TXNL4A: variants seen among roughly 807,000 people sequenced by gnomAD.
The protein encoded by TXNL4A is thioredoxin-like protein 4A.
TXNL4A carries 17 observed loss-of-function variants against 14.6 expected under a neutral mutation model. That is an observed-to-expected ratio of 1.16 (90% CI 0.80 to 1.74). The LOEUF (loss-of-function observed/expected upper bound fraction) is 1.74, where lower values mean the gene tolerates loss of function less well. TXNL4A is among the 40% of genes most tolerant of loss of function. The pLI, the probability that TXNL4A is intolerant of heterozygous loss-of-function variation, is 0.00. For missense variants in TXNL4A, 74 were observed against 195.2 expected, an observed-to-expected ratio of 0.38 and a Z score of 3.70; for synonymous variants, 83 against 70.6, an observed-to-expected ratio of 1.18 and a Z score of -0.88.
intron 1 of TXNL4A, among the ~76,000 whole-genome samples, chr18:79,994,206 A>G (rs1305936479): frequency 6.6e-6 from 1 of 152,228 alleles, no homozygotes. Context: ...AGTAGTTCTA[A>G]GTTACAATGG....
Position 80,007,317 on chromosome 18 carries a change from T to C in TXNL4A, c.-61+26534A>G, listed in dbSNP as rs184856005. Among the ~76,000 whole-genome samples, 1,288 of 152,302 alleles carry C rather than the reference T, an allele frequency of 8.5e-3. 17 individuals are homozygous for C. Among genetic ancestry groups the C allele is most frequent in the South Asian group, 0.028 (133 of 4,824 alleles). ...GTCCCTGAATGCACAATTTCTGTCC[T>C]TTTTAAGGGCTCACAACACTAAAGA... On this transcript the variant is annotated intron_variant, in intron 1 of 2. Transcript: ENST00000585474.
At chr18:80,012,830 A>G (rs987494138) in intron 1 of TXNL4A, among the ~76,000 whole-genome samples, 1 of 143,320 alleles carries the variant, frequency 7.0e-6, no homozygotes, top group African/African-American at 2.6e-5. Flanking sequence ...CTTCCATTAA[A>G]TTTTTTTTTT....
intron 1 of TXNL4A, among the ~76,000 whole-genome samples, chr18:80,015,257 A>G (rs2051799535): frequency 6.6e-6 from 1 of 152,190 alleles, no homozygotes; most frequent in Admixed American, 6.5e-5. Flanking sequence ...TCCTCAAAAA[A>G]AAAAATGGAC....
At chr18:80,022,348 G>C (rs1044021312) in intron 1 of TXNL4A, among the ~76,000 whole-genome samples, 1 of 152,202 alleles carries the variant, frequency 6.6e-6, no homozygotes, top group African/African-American at 2.4e-5. Flanking sequence ...TTGCAGGCTT[G>C]CCTGACGTGG....
chr18:79,977,367 G>A (rs907088611), intron 2 of TXNL4A: 3 of 526,842 alleles, frequency 5.7e-6, no homozygotes, highest in Non-Finnish European at 9.9e-6. Context: ...AGGTTTCCCC[G>A]CAAAGTTATT....
chr18:79,970,821 A>G lies in TXNL4A; in HGVS notation c.*2864T>C, dbSNP rs1285091320. ...CAATAAACTTACAAATGTGGAATGT[A>G]ATTATTTTATCTTTTTCTGGTAACG... On this transcript the variant is annotated 3_prime_UTR_variant, in exon 3 of 3. Transcript: ENST00000269601. 4.8e-6 allele frequency: 1 copy of G among 210,404 alleles called. No homozygotes were observed. Among genetic ancestry groups the G allele is most frequent in the East Asian group, 9.4e-5 (1 of 10,652 alleles). 13.0% of individuals were successfully genotyped at this position (210,404 alleles called of 1,614,324 possible). A position where few individuals can be genotyped will look rare whatever the true frequency, so the allele number is the denominator to read the frequency against.
At chr18:80,018,574 T>C (rs2051827781) in intron 1 of TXNL4A, among the ~76,000 whole-genome samples, 4 of 151,714 alleles carry the variant, frequency 2.6e-5, no homozygotes, top group Admixed American at 1.3e-4. Context: ...ATCAACAAAA[T>C]TGATAGACTG....
At chr18:80,032,946 T>A (rs11664349) in intron 1 of TXNL4A, among the ~76,000 whole-genome samples, 43,751 of 124,622 alleles carry the variant, frequency 0.35, 6,661 homozygotes, top group Non-Finnish European at 0.41. Context: ...GTCTGCGTTA[T>A]CTTATGTAAA....
chr18:80,013,666 G>A (rs1343673117), intron 1 of TXNL4A, among the ~76,000 whole-genome samples: 3 of 150,794 alleles, frequency 2.0e-5, no homozygotes, highest in East Asian at 2.0e-4. Context: ...GGCTGGTCTC[G>A]AACTCCTGAC....
intron 1 of TXNL4A, among the ~76,000 whole-genome samples, chr18:80,024,055 C>T (rs2051867679): frequency 1.3e-5 from 2 of 152,202 alleles, no homozygotes; most frequent in Admixed American, 6.5e-5. Flanking sequence ...CCTTTCAGTG[C>T]TTGGTACTGG....
chr18:79,975,239 A>G (rs188846512), intron 2 of TXNL4A, among the ~76,000 whole-genome samples: 4 of 152,352 alleles, frequency 2.6e-5, no homozygotes, highest in South Asian at 4.1e-4. Flanking sequence ...ACAACGTCCT[A>G]TGAGAGTGGG....
chr18:79,980,836 G>T (rs2051452988), intron 1 of TXNL4A, among the ~76,000 whole-genome samples: 1 of 152,182 alleles, frequency 6.6e-6, no homozygotes, highest in Non-Finnish European at 1.5e-5. Context: ...CCCACTGCAG[G>T]GGCATGCGAC....
chr18:79,990,497 A>C (rs1312118751), upstream of TXNL4A, among the ~76,000 whole-genome samples: 1 of 152,198 alleles, frequency 6.6e-6, no homozygotes, highest in African/African-American at 2.4e-5. Context: ...CATTGGCACC[A>C]GGTACACACT....
intron 1 of TXNL4A, among the ~76,000 whole-genome samples, chr18:79,987,295 G>GC (rs2051565520): frequency 6.6e-6 from 1 of 152,152 alleles, no homozygotes; most frequent in Admixed American, 6.5e-5. Flanking sequence ...TAAATGGCAG[G>GC]CCAGATAGTC....
intron 2 of TXNL4A, chr18:79,977,355 C>G: frequency 1.9e-6 from 1 of 530,434 alleles, no homozygotes; most frequent in Non-Finnish European, 3.3e-6. Context: ...TACACTTCAC[C>G]TAGGTTTCCC....
At position 79,986,943 on chromosome 18, in the gene TXNL4A, G is replaced by T. The variant is rs139050175; in HGVS notation, c.153+1297C>A. Among the ~76,000 whole-genome samples the T allele has an allele frequency of 3.1e-3, 472 of 152,272 alleles. 3 individuals carry two copies. The highest frequency in any genetic ancestry group is 0.011 in the African/African-American group (444 of 41,552). ...TCTCATCATCTCTAATCCCCGGCTGGCAGAACCCCCAGCGTGTGAGAGAAC... is the reference window on the plus strand; with the variant it reads ...TCTCATCATCTCTAATCCCCGGCTGTCAGAACCCCCAGCGTGTGAGAGAAC... On this transcript the variant is annotated intron_variant, in intron 1 of 2. Transcript: ENST00000269601.
chr18:80,014,520 T>C (rs1447492459), intron 1 of TXNL4A, among the ~76,000 whole-genome samples: 1 of 152,188 alleles, frequency 6.6e-6, no homozygotes, highest in African/African-American at 2.4e-5. Context: ...CGCATCCAGG[T>C]CACACTGATG....
chr18:79,978,346 G>C (rs1361865593), intron 1 of TXNL4A, among the ~76,000 whole-genome samples: 1 of 152,108 alleles, frequency 6.6e-6, no homozygotes, highest in East Asian at 1.9e-4. Context: ...CTGAACACTT[G>C]CAAATATTAA....
chr18:80,004,007 G>A (rs960515509), intron 1 of TXNL4A, among the ~76,000 whole-genome samples: 1 of 152,140 alleles, frequency 6.6e-6, no homozygotes, highest in Admixed American at 6.5e-5. Context: ...GAGATTTTGG[G>A]TGGGGACACA....
Sources: gnomAD v4.1 joint callset for allele counts (sites outside exome capture counted in the v4.1 genomes callset) on GRCh38, gnomAD v4.1.1 for gene constraint, MANE v1.5 for transcripts, NCBI Gene and HGNC (gene_info 2026-07-23, HGNC 2026-07-21) for gene names.